RPTOR: variants seen among roughly 807,000 people sequenced by gnomAD.
RPTOR encodes the protein regulatory-associated protein of mTOR.
A neutral mutation model predicts 169.9 loss-of-function variants in RPTOR; 21 were observed. The observed-to-expected ratio is 0.12, with a 90% CI of 0.09 to 0.18. The LOEUF is 0.18. Ranked by LOEUF, RPTOR falls within the 10% of genes least tolerant of loss-of-function variation. The pLI, the probability that RPTOR is intolerant of heterozygous loss-of-function variation, is 1.00. For synonymous variants in RPTOR, 732 were observed against 753.2 expected (o/e 0.97, Z 0.46); for missense variants, 1,133 against 1,855.9 (o/e 0.61, Z 7.16).
At chr17:80,715,615 A>C (rs1024467598) in intron 4 of RPTOR, among the ~76,000 whole-genome samples, 2 of 148,362 alleles carry the variant, frequency 1.3e-5, no homozygotes, top group Non-Finnish European at 3.0e-5. Context: ...TTATTTTTCC[A>C]TAGGTTATTG....
chr17:80,698,798 C>T (rs978790473), intron 3 of RPTOR, among the ~76,000 whole-genome samples: 2 of 152,232 alleles, frequency 1.3e-5, no homozygotes, highest in African/African-American at 4.8e-5. Context: ...TTCCTTCTGT[C>T]TTGCTCATGG....
At position 80,713,342 on chromosome 17, in the gene RPTOR, G is replaced by A. The variant is rs1272877957; in HGVS notation, c.507+5343G>A. Among the ~76,000 whole-genome samples the A allele has an allele frequency of 9.2e-5, 14 of 152,138 alleles. No individual in the cohort carries two copies. In the East Asian group the frequency reaches 1.2e-3, roughly 13 times the overall value. On this transcript the variant is annotated intron_variant, in intron 4 of 33. Transcript: ENST00000306801. ...ATCATAGGCATGAGCCACCACACCC[G>A]GCCTGGATGCCAGTTCTTTATCAGA...
At chr17:80,859,460 G>C (rs1016125612) in intron 13 of RPTOR, among the ~76,000 whole-genome samples, 1 of 152,250 alleles carries the variant, frequency 6.6e-6, no homozygotes, top group Non-Finnish European at 1.5e-5. Flanking sequence ...TTAGCTGTCC[G>C]TGTGCGGAGG....
At chr17:80,934,363 GT>G (rs1418330169) in intron 24 of RPTOR, among the ~76,000 whole-genome samples, 1 of 152,036 alleles carries the variant, frequency 6.6e-6, no homozygotes, top group East Asian at 1.9e-4. Flanking sequence ...AAGTTTTCTT[GT>G]TTTGTTTTGT....
Position 80,940,490 on chromosome 17 carries a change from T to C in RPTOR, c.2920-6T>C. On this transcript the variant is annotated splice_region_variant and splice_polypyrimidine_tract_variant and intron_variant, in intron 24 of 33. Transcript: ENST00000306801. ...GGGCTTAACTGGGTGTTTTCTGTTG[T>C]TGAAGATCCCAGAAGAGCACGACCT... 2 of 1,612,452 alleles carry C rather than the reference T, an allele frequency of 1.2e-6. No individual in the cohort carries two copies. The highest frequency in any genetic ancestry group is 1.7e-6 in the Non-Finnish European group (2 of 1,179,202).
chr17:80,845,382 C>T lies in RPTOR; in HGVS notation c.1213-1091C>T, dbSNP rs1409274817. Among the ~76,000 whole-genome samples, 2 of 152,078 alleles carry T rather than the reference C, an allele frequency of 1.3e-5. No individual in the cohort carries two copies. The highest frequency in any genetic ancestry group is 2.9e-5 in the Non-Finnish European group (2 of 68,014). On this transcript the variant is annotated intron_variant, in intron 10 of 33. Transcript: ENST00000306801. The surrounding 1 kb of genome is among the most constrained non-coding windows in gnomAD (Gnocchi z 5.4). ...CGCCTTCTCTGTCCAGCTGCAACCCCTCCTCCCGCCCTCACCCCAGAGAGT... is the reference window on the plus strand; with the variant it reads ...CGCCTTCTCTGTCCAGCTGCAACCCTTCCTCCCGCCCTCACCCCAGAGAGT...
chr17:80,568,591 A>G (rs1418833123), intron 1 of RPTOR, among the ~76,000 whole-genome samples: 2 of 152,042 alleles, frequency 1.3e-5, no homozygotes, highest in East Asian at 3.9e-4. Flanking sequence ...ACATTCTTGG[A>G]TCTGTAGGAT....
intron 1 of RPTOR, among the ~76,000 whole-genome samples, chr17:80,560,680 GCCTT>G (rs751107929): frequency 1.2e-4 from 19 of 152,120 alleles, no homozygotes; most frequent in Middle Eastern, 3.2e-3. Flanking sequence ...CCTGCAAGGG[GCCTT>G]CCCTTGTGCT....
intron 4 of RPTOR, among the ~76,000 whole-genome samples, chr17:80,729,820 C>T (rs1408900112): frequency 2.0e-5 from 3 of 152,274 alleles, no homozygotes; most frequent in African/African-American, 7.2e-5. Flanking sequence ...GAGTGAAGAG[C>T]ACGTGTGTGA....
intron 13 of RPTOR, among the ~76,000 whole-genome samples, chr17:80,867,100 C>T (rs2068001455): frequency 6.6e-6 from 1 of 151,972 alleles, no homozygotes; most frequent in Non-Finnish European, 1.5e-5. Flanking sequence ...AACACAGGTA[C>T]AAAAATGCTA....
intron 25 of RPTOR, among the ~76,000 whole-genome samples, chr17:80,943,000 T>G (rs532116327): frequency 6.6e-6 from 1 of 152,370 alleles, no homozygotes; most frequent in African/African-American, 2.4e-5. Flanking sequence ...CCTGCCTGCC[T>G]CTGTGAGTGC....
At chr17:80,674,306 T>G (rs756316954) in intron 3 of RPTOR, among the ~76,000 whole-genome samples, 22 of 152,194 alleles carry the variant, frequency 1.4e-4, no homozygotes, top group Non-Finnish European at 2.4e-4. Context: ...TTCTTGAACA[T>G]GAAAACCCTT....
At chr17:80,593,771 A>G (rs921451239) in intron 1 of RPTOR, 4 of 152,234 alleles carry the variant, frequency 2.6e-5, no homozygotes, top group African/African-American at 9.6e-5. Context: ...GTTTGGGAAA[A>G]TAGTTTCATT....
intron 24 of RPTOR, among the ~76,000 whole-genome samples, chr17:80,928,865 A>G (rs548284109): frequency 3.0e-4 from 46 of 152,174 alleles, no homozygotes; most frequent in Non-Finnish European, 6.5e-4. Context: ...CAGAGAATCA[A>G]TCCCTACAAG....
chr17:80,764,768 A>T lies in RPTOR; in HGVS notation c.830+10583A>T, dbSNP rs556744409. On this transcript the variant is annotated intron_variant, in intron 6 of 33. Transcript: ENST00000306801. ...TTCCACAATGGTTGAACTAGTTTAC[A>T]GTCCCACCAACAGTGTAAAAGTGTT... Among the ~76,000 whole-genome samples the T allele has an allele frequency of 1.4e-3, 207 of 152,292 alleles. 1 individual carries two copies. Among genetic ancestry groups the T allele is most frequent in the African/African-American group, 4.7e-3 (197 of 41,572 alleles).
At chr17:80,939,045 T>A (rs1215005321) in intron 24 of RPTOR, among the ~76,000 whole-genome samples, 2 of 152,270 alleles carry the variant, frequency 1.3e-5, no homozygotes, top group Non-Finnish European at 2.9e-5. Context: ...TTTTAATAAC[T>A]AATGCAGGCT....
At chr17:80,851,936 A>G (rs1598353296) in intron 11 of RPTOR, among the ~76,000 whole-genome samples, 1 of 152,218 alleles carries the variant, frequency 6.6e-6, no homozygotes, top group Admixed American at 6.5e-5. Flanking sequence ...TCAGAAAACA[A>G]TCTTTGTAAG....
chr17:80,947,142 C>T lies in RPTOR; in HGVS notation c.3141-85C>T. On this transcript the variant is annotated intron_variant, in intron 26 of 33. Transcript: ENST00000306801. The surrounding 1 kb of genome is among the most constrained non-coding windows in gnomAD (Gnocchi z 4.4). Reference sequence around the variant, plus strand: ...GTGGTGTGTGGTTTTTTGATAGCAGCCCGGTGGGTTTCAGGAGGTATCTCA... The same window carrying T: ...GTGGTGTGTGGTTTTTTGATAGCAGTCCGGTGGGTTTCAGGAGGTATCTCA... 1 of 1,334,768 alleles carries T rather than the reference C, an allele frequency of 7.5e-7. No homozygotes were observed. Among genetic ancestry groups the T allele is most frequent in the Non-Finnish European group, 9.9e-7 (1 of 1,006,504 alleles). 82.7% of individuals were successfully genotyped at this position (1,334,768 alleles called of 1,614,324 possible).
At chr17:80,570,231 G>C (rs1447385602) in intron 1 of RPTOR, among the ~76,000 whole-genome samples, 2 of 152,074 alleles carry the variant, frequency 1.3e-5, no homozygotes, top group Non-Finnish European at 2.9e-5. Flanking sequence ...TGTATGACTC[G>C]TTGTTCAATG....
Sources: gnomAD v4.1 joint callset for allele counts (sites outside exome capture counted in the v4.1 genomes callset) on GRCh38, gnomAD v4.1.1 for gene constraint, Gnocchi (gnomAD v3.1) non-coding constraint, MANE v1.5 for transcripts, NCBI Gene and HGNC (gene_info 2026-07-23, HGNC 2026-07-21) for gene names.